CCDC80: variants seen among roughly 807,000 people sequenced by gnomAD.
The protein encoded by CCDC80 is coiled-coil domain containing 80, also known as coiled-coil domain-containing protein 80.
CCDC80 carries 49 observed loss-of-function variants against 78.7 expected under a neutral mutation model. The observed-to-expected ratio is 0.62, with a 90% CI of 0.50 to 0.79. The LOEUF (loss-of-function observed/expected upper bound fraction) is 0.79, where lower values mean the gene tolerates loss of function less well. CCDC80 is among the 30% of genes least tolerant of loss of function. The pLI, the probability that CCDC80 is intolerant of heterozygous loss-of-function variation, is 0.00. For synonymous variants in CCDC80, 488 were observed against 447.0 expected (o/e 1.09, Z -1.16); for missense variants, 1,205 against 1,198.6 (o/e 1.01, Z -0.08).
intron 5 of CCDC80, among the ~76,000 whole-genome samples, chr3:112,612,366 T>C (rs1265107841): frequency 6.6e-6 from 1 of 152,136 alleles, no homozygotes; most frequent in African/African-American, 2.4e-5. Context: ...TGTTTACCTA[T>C]GTGCACACTG....
At chr3:112,621,883 T>G (rs1021999786) in intron 3 of CCDC80, among the ~76,000 whole-genome samples, 12 of 152,184 alleles carry the variant, frequency 7.9e-5, no homozygotes, top group Non-Finnish European at 1.2e-4. Context: ...AAGGTCCAAC[T>G]CTATTGCAGC....
At position 112,630,063 on chromosome 3, in the gene CCDC80, C is replaced by G. The variant is rs573524546; in HGVS notation, c.2035+50G>C. On this transcript the variant is annotated intron_variant, in intron 3 of 7. Transcript: ENST00000206423. ...TGTACCTCTACCATAAAGTTTGTCC[C>G]ACCTTAGATATGAGAAAAACAATAA... 9.0e-6 allele frequency: 14 copies of G among 1,558,460 alleles called. No individual in the cohort carries two copies. In the South Asian group the frequency reaches 1.4e-4, roughly 15 times the overall value.
At chr3:112,608,396 T>C (rs1294881119) in intron 6 of CCDC80, among the ~76,000 whole-genome samples, 4 of 152,334 alleles carry the variant, frequency 2.6e-5, no homozygotes, top group African/African-American at 9.6e-5. Context: ...AAGTGAACTA[T>C]TCTGTTCTAC....
At position 112,601,011 on chromosome 3, in the gene CCDC80, G is replaced by GA. The variant is rs889649474; in HGVS notation, c.*4405dup. On this transcript the variant is annotated 3_prime_UTR_variant, in exon 8 of 8. Transcript: ENST00000206423. ...CAGGCAGCTTGTACAGACTATCCAAGAAAAAATGAGGAGGAAAGTGCTCCA... is the reference window on the plus strand; with the variant it reads ...CAGGCAGCTTGTACAGACTATCCAAGAAAAAAATGAGGAGGAAAGTGCTCCA... 1 of 152,088 alleles carries GA rather than the reference G, an allele frequency of 6.6e-6. No individual in the cohort carries two copies. The highest frequency in any genetic ancestry group is 6.5e-5 in the Admixed American group (1 of 15,278). The allele number at this position is 152,088 out of a possible 1,614,324, so 9.4% of individuals were successfully genotyped here. A position where few individuals can be genotyped will look rare whatever the true frequency, so the allele number is the denominator to read the frequency against.
chr3:112,608,394 T>A (rs888199969), intron 6 of CCDC80, among the ~76,000 whole-genome samples: 3 of 152,204 alleles, frequency 2.0e-5, no homozygotes, highest in Non-Finnish European at 4.4e-5. Context: ...AGAAGTGAAC[T>A]ATTCTGTTCT....
In CCDC80 at chr3:112,597,802, C is replaced by T. The variant is rs1935306939; in HGVS notation, c.*7615G>A. 1 of 152,176 alleles carries T rather than the reference C, an allele frequency of 6.6e-6. No individual in the cohort carries two copies. Among genetic ancestry groups the T allele is most frequent in the Admixed American group, 6.6e-5 (1 of 15,262 alleles). The allele number at this position is 152,176 out of a possible 1,614,324, so 9.4% of individuals were successfully genotyped here. A position where few individuals can be genotyped will look rare whatever the true frequency, so the allele number is the denominator to read the frequency against. ...ATCACTCATCATCTCTCCCTGGTCCCTTCCACCTGCCAAACCCCCATAAAA... is the reference window on the plus strand; with the variant it reads ...ATCACTCATCATCTCTCCCTGGTCCTTTCCACCTGCCAAACCCCCATAAAA... On this transcript the variant is annotated 3_prime_UTR_variant, in exon 8 of 8. Coordinates refer to ENST00000206423, the MANE Select transcript of CCDC80 (RefSeq NM_199511.3).
In CCDC80 at chr3:112,640,760, A is replaced by T. The variant is rs1936323820; in HGVS notation, c.-445T>A. 6.6e-6 allele frequency: 1 copy of T among 152,052 alleles called. No homozygotes were observed. The highest frequency in any genetic ancestry group is 2.1e-4 in the South Asian group (1 of 4,814). The allele number at this position is 152,052 out of a possible 1,614,324, so 9.4% of individuals were successfully genotyped here. On this transcript the variant is annotated 5_prime_UTR_variant, in exon 1 of 8. Transcript: ENST00000206423. The stretch of plus-strand genomic sequence containing the variant: ...TCTTTAAAGTTCCAGGATCCTTCTT[A>T]TCTCCCTTTCCCCCATAGTCTGGCT...
intron 2 of CCDC80, among the ~76,000 whole-genome samples, chr3:112,634,252 T>C (rs981180): frequency 1 from 151,723 of 152,272 alleles, 75,589 homozygotes; most frequent in Middle Eastern, 1. Context: ...ATGGTTGTCC[T>C]AATACACAGA....
Position 112,639,769 on chromosome 3 carries a change from C to T in CCDC80, c.137G>A (p.Ser46Asn). The change falls in exon 2 of 8, where the codon AGT (serine) becomes AAT (asparagine). Residue 46 changes from serine (S) to asparagine (N), a missense_variant. By Grantham distance (46) the Ser-to-Asn change is conservative. Transcript: ENST00000206423. ...GTGCCTCAGAAACCGAGCTGGCCTA[C>T]TGCTGTCCGGAGAAACCAAAGGCAC... Reference protein sequence around the residue: ...RKVPLVSPDSSRPARFLRHTG... With the variant: ...RKVPLVSPDSNRPARFLRHTG... 6.2e-7 allele frequency: 1 copy of T among 1,614,166 alleles called. No homozygotes were observed. The highest frequency in any genetic ancestry group is 8.5e-7 in the Non-Finnish European group (1 of 1,180,026).
chr3:112,639,026 C>T lies in CCDC80; in HGVS notation c.880G>A (p.Gly294Arg). Residue 294 changes from glycine (G) to arginine (R), a missense_variant, in exon 2 of 8, where the codon GGG (glycine) becomes AGG (arginine). By Grantham distance (125) the Gly-to-Arg change is moderately radical. Coordinates refer to ENST00000206423, the MANE Select transcript of CCDC80 (RefSeq NM_199511.3). ...SGVEGQVVAE[G>R]NDGGGGAGRP... is the part of the protein sequence containing the mutation. ...CCTGCTCCCCCTCCACCGTCATTCC[C>T]CTCCGCCACCACCTGGCCCTCTACA... 1 of 1,608,740 alleles carries T rather than the reference C, an allele frequency of 6.2e-7. No homozygotes were observed. Among genetic ancestry groups the T allele is most frequent in the Non-Finnish European group, 8.5e-7 (1 of 1,179,068 alleles).
At chr3:112,622,822 ATTTTTTTTTTTTTTTTTTTT>A (rs373170477) in intron 3 of CCDC80, among the ~76,000 whole-genome samples, 1 of 118,896 alleles carries the variant, frequency 8.4e-6, no homozygotes, top group Non-Finnish European at 1.7e-5. Context: ...TGCCCAGCTA[ATTTTTTTTTTTTTTTTTTTT>A]TTTTTGTATT....
chr3:112,615,128 C>A (rs1935708231), intron 5 of CCDC80, among the ~76,000 whole-genome samples: 1 of 152,144 alleles, frequency 6.6e-6, no homozygotes, highest in South Asian at 2.1e-4. Context: ...ATCAACATAG[C>A]TAGTAAGTTA....
At chr3:112,610,915 C>CTTTTTTTTTT (rs11379147) in intron 5 of CCDC80, among the ~76,000 whole-genome samples, 5 of 123,286 alleles carry the variant, frequency 4.1e-5, no homozygotes, top group African/African-American at 6.3e-5. Flanking sequence ...TTCTTTCTTT[C>CTTTTTTTTTT]TTTTTTTTTT....
chr3:112,615,983 T>A (rs1935731545), intron 5 of CCDC80, among the ~76,000 whole-genome samples: 2 of 152,222 alleles, frequency 1.3e-5, no homozygotes, highest in Non-Finnish European at 2.9e-5. Flanking sequence ...TTTACTTTCT[T>A]AGTAAACTTG....
intron 5 of CCDC80, among the ~76,000 whole-genome samples, chr3:112,615,861 G>A (rs1347315666): frequency 1.3e-5 from 2 of 152,136 alleles, no homozygotes; most frequent in Non-Finnish European, 2.9e-5. Flanking sequence ...AAAAAGGAGA[G>A]GCACAAACAA....
intron 7 of CCDC80, among the ~76,000 whole-genome samples, chr3:112,606,678 G>A (rs1467109527): frequency 6.6e-6 from 1 of 151,984 alleles, no homozygotes; most frequent in Non-Finnish European, 1.5e-5. Flanking sequence ...GCCCACCTCG[G>A]CCTCCCAAAG....
rs1935305994 is a variant in CCDC80 at position 112,597,762 on chromosome 3, G to A, written c.*7655C>T. 1 of 152,076 alleles carries A rather than the reference G, an allele frequency of 6.6e-6. No homozygotes were observed. Among genetic ancestry groups the A allele is most frequent in the Non-Finnish European group, 1.5e-5 (1 of 67,994 alleles). The allele number at this position is 152,076 out of a possible 1,614,324, so 9.4% of individuals were successfully genotyped here. On this transcript the variant is annotated 3_prime_UTR_variant, in exon 8 of 8. Transcript: ENST00000206423. ...AATGTTATAATTGCATCCTCCTAAA[G>A]ACTACATAACCATCATCACTCATCA...
intron 2 of CCDC80, among the ~76,000 whole-genome samples, chr3:112,632,950 G>A (rs527981142): frequency 6.6e-6 from 1 of 152,222 alleles, no homozygotes; most frequent in African/African-American, 2.4e-5. Context: ...GGAATCTTGG[G>A]CAGAGAGGCA....
intron 3 of CCDC80, among the ~76,000 whole-genome samples, chr3:112,622,822 A>ATTTTTTTTTTTTTTTTTTT (rs373170477): frequency 4.2e-5 from 5 of 118,894 alleles, no homozygotes; most frequent in Non-Finnish European, 6.7e-5. Flanking sequence ...TGCCCAGCTA[A>ATTTTTTTTTTTTTTTTTTT]TTTTTTTTTT....
Sources: gnomAD v4.1 joint callset for allele counts (sites outside exome capture counted in the v4.1 genomes callset) on GRCh38, gnomAD v4.1.1 for gene constraint, MANE v1.5 for transcripts, NCBI Gene and HGNC (gene_info 2026-07-23, HGNC 2026-07-21) for gene names.